Variants in PRKCH observed in about 807,000 individuals in gnomAD.
The protein encoded by PRKCH is protein kinase C eta.
PRKCH carries 28 observed loss-of-function variants against 82.5 expected under a neutral mutation model. The ratio of observed to expected loss-of-function variants is 0.34; its 90% CI spans 0.25 to 0.47. PRKCH has a LOEUF of 0.47. Among genes scored for constraint, PRKCH ranks in the 20% least tolerant of loss-of-function variants. PRKCH has a pLI of 1.00. For synonymous variants in PRKCH, 322 were observed against 327.4 expected (o/e 0.98, Z 0.18); for missense variants, 705 against 881.8 (o/e 0.80, Z 2.54).
intron 10 of PRKCH, among the ~76,000 whole-genome samples, chr14:61,495,827 G>A (rs1166914863): frequency 1.3e-5 from 2 of 152,094 alleles, no homozygotes; most frequent in Non-Finnish European, 2.9e-5. Context: ...CACAAAAGTA[G>A]GACAAAAGAC....
chr14:61,516,051 T>A (rs142394135), intron 10 of PRKCH, among the ~76,000 whole-genome samples: 2 of 152,270 alleles, frequency 1.3e-5, no homozygotes, highest in African/African-American at 2.4e-5. Context: ...AAACTAAAAC[T>A]AAACTCGGCT....
intron 1 of PRKCH, among the ~76,000 whole-genome samples, chr14:61,373,868 G>A (rs754412878): frequency 2.6e-5 from 4 of 152,134 alleles, no homozygotes; most frequent in Non-Finnish European, 5.9e-5. Flanking sequence ...CTCCCAAAGT[G>A]CTGGGATTAC....
At chr14:61,370,684 A>T (rs577473067) in intron 1 of PRKCH, among the ~76,000 whole-genome samples, 2 of 152,126 alleles carry the variant, frequency 1.3e-5, no homozygotes, top group Admixed American at 6.5e-5. Context: ...TGTTCATTGG[A>T]AGTAGTTTGT....
At chr14:61,509,176 T>C (rs1887272926) in intron 10 of PRKCH, among the ~76,000 whole-genome samples, 1 of 152,168 alleles carries the variant, frequency 6.6e-6, no homozygotes, top group Non-Finnish European at 1.5e-5. Context: ...TTCCAGGAAT[T>C]GCATGTGATG....
At chr14:61,194,796 C>A (rs141642720) in intron 1 of PRKCH, among the ~76,000 whole-genome samples, 2,026 of 152,200 alleles carry the variant, frequency 0.013, 42 homozygotes, top group African/African-American at 0.047. Flanking sequence ...TGCAATGGGG[C>A]GACCTCGGCT....
At chr14:61,228,805 C>T (rs1402970443) in intron 1 of PRKCH, among the ~76,000 whole-genome samples, 1 of 151,988 alleles carries the variant, frequency 6.6e-6, no homozygotes, top group African/African-American at 2.4e-5. Context: ...CTTTGGGAGG[C>T]CAAAGCAGGA....
chr14:61,250,597 G>A (rs2044937063), intron 1 of PRKCH, among the ~76,000 whole-genome samples: 1 of 152,156 alleles, frequency 6.6e-6, no homozygotes, highest in Admixed American at 6.5e-5. Flanking sequence ...GGGAGGAGGG[G>A]ACGGATAGGT....
At chr14:61,225,347 G>T (rs1270696479) in intron 1 of PRKCH, among the ~76,000 whole-genome samples, 1 of 152,168 alleles carries the variant, frequency 6.6e-6, no homozygotes, top group African/African-American at 2.4e-5. Flanking sequence ...AATTCATTTT[G>T]CCTCCCAGAG....
At chr14:61,476,265 TGG>T in intron 9 of PRKCH, 1 of 152,200 alleles carries the variant, frequency 6.6e-6, no homozygotes, top group African/African-American at 2.4e-5. Context: ...CCCTCACAAT[TGG>T]CCAGGCACTG....
chr14:61,331,089 G>A (rs1426270544), intron 1 of PRKCH, among the ~76,000 whole-genome samples: 1 of 152,146 alleles, frequency 6.6e-6, no homozygotes, highest in Admixed American at 6.5e-5. Flanking sequence ...TAACTCATGA[G>A]AAGTGTAATA....
rs139208363 is a variant in PRKCH, at chr14:61,490,564, T to G, written c.1433+4908T>G. 8.7e-3 allele frequency among the ~76,000 whole-genome samples: 1,322 copies of G among 152,232 alleles called. 12 individuals carry two copies. The highest frequency in any genetic ancestry group is 0.013 in the Non-Finnish European group (883 of 67,994). On this transcript the variant is annotated intron_variant, in intron 10 of 13. Transcript: ENST00000332981. The stretch of plus-strand genomic sequence containing the variant: ...TAGCCTTGCTTGGCAAGTGGTCTCC[T>G]CTGTGAGCACCACTTCCTGGTCTAA...
chr14:61,311,164 G>C (rs2045520986), intron 1 of PRKCH, among the ~76,000 whole-genome samples: 1 of 152,204 alleles, frequency 6.6e-6, no homozygotes, highest in Admixed American at 6.5e-5. Flanking sequence ...CCATTGTCTT[G>C]GCAATTAACA....
At chr14:61,515,877 A>G (rs896727631) in intron 10 of PRKCH, among the ~76,000 whole-genome samples, 5 of 152,126 alleles carry the variant, frequency 3.3e-5, no homozygotes, top group Non-Finnish European at 5.9e-5. Flanking sequence ...AATAATAGCC[A>G]AGGGCTCTAC....
chr14:61,381,464 T>C (rs1029193209), intron 1 of PRKCH, among the ~76,000 whole-genome samples: 24 of 152,368 alleles, frequency 1.6e-4, no homozygotes, highest in African/African-American at 5.8e-4. Context: ...GTTATAGAGA[T>C]GAAAGTAGAA....
chr14:61,287,576 A>G (rs2045326259), intron 1 of PRKCH, among the ~76,000 whole-genome samples: 1 of 152,094 alleles, frequency 6.6e-6, no homozygotes, highest in African/African-American at 2.4e-5. Flanking sequence ...TAGGCATGGT[A>G]GTGCACGCCT....
intron 1 of PRKCH, chr14:61,303,910 G>T (rs2045465424): frequency 6.6e-6 from 1 of 151,122 alleles, no homozygotes. Context: ...TAGTGAAAAT[G>T]TTCTATGTCT....
At chr14:61,288,369 A>G (rs1476976880) in intron 1 of PRKCH, among the ~76,000 whole-genome samples, 1 of 152,202 alleles carries the variant, frequency 6.6e-6, no homozygotes, top group South Asian at 2.1e-4. Context: ...TGCTGGGATT[A>G]CAGGCATGAG....
rs1426206457 is a variant in PRKCH, at chr14:61,395,297, C to CCG, written c.427+4010_427+4011insGC. Among the ~76,000 whole-genome samples the CCG allele has an allele frequency of 3.9e-4, 58 of 147,190 alleles. 1 individual carries two copies. Among genetic ancestry groups the CCG allele is most frequent in the Non-Finnish European group, 6.7e-4 (44 of 65,698 alleles). On this transcript the variant is annotated intron_variant, in intron 2 of 13. Transcript: ENST00000332981. ...AAGTAAGAAGGAAATGGAGCCCCCCCCCGCATTTGCCTGCCACAGCTGTGG... is the reference window on the plus strand; with the variant it reads ...AAGTAAGAAGGAAATGGAGCCCCCCCCGCCGCATTTGCCTGCCACAGCTGTGG...
intron 1 of PRKCH, among the ~76,000 whole-genome samples, chr14:61,315,467 T>C (rs1434871635): frequency 6.6e-6 from 1 of 152,212 alleles, no homozygotes; most frequent in Non-Finnish European, 1.5e-5. Context: ...AAATGAATAA[T>C]GTTTGTCAAG....
Sources: allele counts gnomAD v4.1 joint callset (sites outside exome capture counted in the v4.1 genomes callset), GRCh38; gene constraint gnomAD v4.1.1; transcripts MANE v1.5; gene names NCBI Gene and HGNC (gene_info 2026-07-23, HGNC 2026-07-21).